Variants in GRID2IP observed in about 807,000 individuals in gnomAD.
The protein encoded by GRID2IP is Grid2 interacting protein.
A neutral mutation model predicts 114.3 loss-of-function variants in GRID2IP; 78 were observed. The ratio of observed to expected loss-of-function variants is 0.68; its 90% CI spans 0.57 to 0.82. The LOEUF (loss-of-function observed/expected upper bound fraction) is 0.82. GRID2IP is among the 40% of genes least tolerant of loss of function. The pLI is 0.00. For synonymous variants in GRID2IP, 809 were observed against 724.0 expected (o/e 1.12, Z -1.89); for missense variants, 1,727 against 1,678.5 (o/e 1.03, Z -0.51).
intron 1 of GRID2IP, among the ~76,000 whole-genome samples, chr7:6,547,016 G>C (rs1779898777): frequency 6.6e-6 from 1 of 152,216 alleles, no homozygotes; most frequent in Admixed American, 6.6e-5. Flanking sequence ...GAGGAGCAGT[G>C]TACCTAGTTC....
At position 6,536,723 on chromosome 7, in the gene GRID2IP, G is replaced by C; in HGVS notation, c.584+2995C>G. 1.4e-6 allele frequency: 1 copy of C among 690,080 alleles called. No homozygotes were observed. Among genetic ancestry groups the C allele is most frequent in the Non-Finnish European group, 2.7e-6 (1 of 376,696 alleles). 42.7% of individuals were successfully genotyped at this position (690,080 alleles called of 1,614,324 possible). A position where few individuals can be genotyped will look rare whatever the true frequency, so the allele number is the denominator to read the frequency against. ...CCTGTCAATCAGCTCCCCAGGAAGC[G>C]CTCAGAGCCAGCGCATCATCTCCGC... is the stretch of plus-strand genomic sequence containing the variant. On this transcript the variant is annotated intron_variant, in intron 2 of 21. Transcript: ENST00000457091. This position sits in a 1 kb window ranked among gnomAD's most constrained non-coding sequence, Gnocchi z 5.3.
At chr7:6,542,104 C>G (rs1370454738) in intron 1 of GRID2IP, among the ~76,000 whole-genome samples, 1 of 151,938 alleles carries the variant, frequency 6.6e-6, no homozygotes, top group Non-Finnish European at 1.5e-5. Flanking sequence ...GTGTTTGAGA[C>G]CAGCCTGGCC....
At chr7:6,535,805 G>A (rs755261449) in intron 2 of GRID2IP, among the ~76,000 whole-genome samples, 1 of 152,090 alleles carries the variant, frequency 6.6e-6, no homozygotes, top group Non-Finnish European at 1.5e-5. Flanking sequence ...TTCACAGCTG[G>A]GGGCTGTTGG....
At chr7:6,548,577 C>T (rs1050284027) in intron 1 of GRID2IP, among the ~76,000 whole-genome samples, 33 of 152,210 alleles carry the variant, frequency 2.2e-4, no homozygotes, top group African/African-American at 7.7e-4. Context: ...GTGGCTCACG[C>T]CTGTAATCCC....
intron 4 of GRID2IP, among the ~76,000 whole-genome samples, chr7:6,525,605 G>T (rs1219268355): frequency 2.0e-5 from 3 of 152,136 alleles, no homozygotes; most frequent in Non-Finnish European, 4.4e-5. Flanking sequence ...CTGCACTCCA[G>T]CCTGGGTGAC....
chr7:6,540,364 G>A (rs1398285757), intron 1 of GRID2IP, among the ~76,000 whole-genome samples: 5 of 151,882 alleles, frequency 3.3e-5, no homozygotes, highest in African/African-American at 7.3e-5. Flanking sequence ...CGCCCGCCTC[G>A]GCCTCCCAAG....
At chr7:6,498,730 G>T (rs1786331556) in intron 20 of GRID2IP, among the ~76,000 whole-genome samples, 1 of 151,782 alleles carries the variant, frequency 6.6e-6, no homozygotes, top group Non-Finnish European at 1.5e-5. Context: ...GGGACCAGAG[G>T]TTTACACCAC....
chr7:6,509,084 G>A lies in GRID2IP; in HGVS notation c.2001C>T (p.Leu667=). The A allele has an allele frequency of 6.7e-7, 1 of 1,493,940 alleles. No homozygotes were observed. Among genetic ancestry groups the A allele is most frequent in the Non-Finnish European group, 8.9e-7 (1 of 1,117,950 alleles). 92.5% of individuals were successfully genotyped at this position (1,493,940 alleles called of 1,614,324 possible). Residue 667 remains leucine (L), a synonymous_variant, in exon 12 of 22, where the codon CTC becomes CTT. Transcript: ENST00000457091. The surrounding 1 kb of genome is among the most constrained non-coding windows in gnomAD (Gnocchi z 4.9). The stretch of plus-strand genomic sequence containing the variant: ...TTCGCACAGGGTGGGAGAAGGTGAA[G>A]AGCTTCCTGCGGCTGGGCGGGCGGG... ...DPTRPPSRRK[L]FTFSHPVRSR...
At position 6,526,630 on chromosome 7, in the gene GRID2IP, G is replaced by A. The variant is rs1779517095; in HGVS notation, c.724C>T (p.Leu242Phe). The A allele has an allele frequency of 3.8e-6, 5 of 1,330,944 alleles. No individual in the cohort carries two copies. The East Asian group carries it at 1.3e-4, about 35-fold the overall frequency. The allele number at this position is 1,330,944 out of a possible 1,614,324, so 82.4% of individuals were successfully genotyped here. Residue 242 changes from leucine (L) to phenylalanine (F), a missense_variant, in exon 3 of 22, where the codon CTC becomes TTC. Transcript: ENST00000457091. This position sits in a 1 kb window ranked among gnomAD's most constrained non-coding sequence, Gnocchi z 7.6. ...RSRSEERPER[L>F]LVSTRASAPP... Reference sequence around the variant, plus strand: ...GCGCTGGCGCGCGTGGACACCAGGAGGCGCTCCGGCCGCTCCTCGCTGCGG... The same window carrying A: ...GCGCTGGCGCGCGTGGACACCAGGAAGCGCTCCGGCCGCTCCTCGCTGCGG...
intron 1 of GRID2IP, among the ~76,000 whole-genome samples, chr7:6,546,920 G>T (rs1041104913): frequency 1.4e-4 from 21 of 152,104 alleles, no homozygotes; most frequent in African/African-American, 5.1e-4. Flanking sequence ...TGGGATTGTA[G>T]CAGGCATTAC....
Position 6,551,070 on chromosome 7 carries a change from G to T in GRID2IP, c.367C>A (p.Arg123Ser), listed in dbSNP as rs974799175. 1 of 1,312,702 alleles carries T rather than the reference G, an allele frequency of 7.6e-7. No individual in the cohort carries two copies. Among genetic ancestry groups the T allele is most frequent in the Non-Finnish European group, 9.7e-7 (1 of 1,034,506 alleles). The allele number at this position is 1,312,702 out of a possible 1,614,324, so 81.3% of individuals were successfully genotyped here. Residue 123 changes from arginine (R) to serine (S), a missense_variant, in exon 1 of 22, where the codon CGC (arginine) becomes AGC (serine). Coordinates refer to ENST00000457091, the MANE Select transcript of GRID2IP (RefSeq NM_001145118.2). ...LGRELLRLAG[R>S]KRPDAVHRER... ...CGGTGCACCGCGTCCGGGCGCTTGC[G>T]GCCGGCCAGGCGAAGCAGCTCACGG...
intron 8 of GRID2IP, among the ~76,000 whole-genome samples, 191 bp downstream of exon 8, chr7:6,514,184 C>T (rs536151484): frequency 1.4e-3 from 215 of 151,536 alleles, no homozygotes; most frequent in African/African-American, 4.9e-3. Context: ...ACTTGGGAGG[C>T]GGAGGTTGCA....
At chr7:6,505,353 C>T (rs1291474528) in intron 14 of GRID2IP, among the ~76,000 whole-genome samples, 1 of 145,564 alleles carries the variant, frequency 6.9e-6, no homozygotes, top group Non-Finnish European at 1.5e-5. Flanking sequence ...ACAGTAAATG[C>T]CAGCTTTTTT....
At chr7:6,498,376 GC>G in intron 20 of GRID2IP, 148 bp from the exon 21 acceptor site, 1 of 714,214 alleles carries the variant, frequency 1.4e-6, no homozygotes, top group Non-Finnish European at 2.3e-6. Flanking sequence ...AGGGAACCAG[GC>G]CCTGTTCAGG....
intron 18 of GRID2IP, among the ~76,000 whole-genome samples, chr7:6,502,497 G>A (rs1328930451): frequency 1.3e-5 from 2 of 152,116 alleles, no homozygotes; most frequent in South Asian, 2.1e-4. Flanking sequence ...TTACAGGCAT[G>A]AGCCACCACA....
intron 1 of GRID2IP, among the ~76,000 whole-genome samples, chr7:6,544,049 G>C (rs974298912): frequency 6.6e-6 from 1 of 151,664 alleles, no homozygotes; most frequent in African/African-American, 2.4e-5. Flanking sequence ...CTCCCACCTC[G>C]GCCTCCCAAA....
chr7:6,514,587 G>C (rs1779255581), intron 7 of GRID2IP, 58 bp from the exon 8 acceptor site: 1 of 1,401,644 alleles, frequency 7.1e-7, no homozygotes, highest in Non-Finnish European at 9.4e-7. Flanking sequence ...ATGATGCACA[G>C]AGTGGGGGTA....
Position 6,539,705 on chromosome 7 carries a change from C to G in GRID2IP, c.584+13G>C, listed in dbSNP as rs1372531722. On this transcript the variant is annotated intron_variant, in intron 2 of 21. Transcript: ENST00000457091. Reference sequence around the variant, plus strand: ...CCACCCTGCCTGTCTATCCTGCCCCCTGCCCGCAGTACCTGAGGTTGTCCA... The same window carrying G: ...CCACCCTGCCTGTCTATCCTGCCCCGTGCCCGCAGTACCTGAGGTTGTCCA... 2 of 1,541,512 alleles carry G rather than the reference C, an allele frequency of 1.3e-6. No individual in the cohort carries two copies. The highest frequency in any genetic ancestry group is 1.8e-6 in the Non-Finnish European group (2 of 1,142,058).
chr7:6,529,472 C>A (rs1213679105), intron 2 of GRID2IP, among the ~76,000 whole-genome samples: 1 of 152,122 alleles, frequency 6.6e-6, no homozygotes. Flanking sequence ...AAGGCCCTGT[C>A]CCCCAGGTGG....
Sources: gnomAD v4.1 joint callset for allele counts (sites outside exome capture counted in the v4.1 genomes callset) on GRCh38, gnomAD v4.1.1 for gene constraint, Gnocchi (gnomAD v3.1) non-coding constraint, MANE v1.5 for transcripts, NCBI Gene and HGNC (gene_info 2026-07-23, HGNC 2026-07-21) for gene names.